Variants in ZNF16 observed in about 807,000 individuals in gnomAD.
The protein encoded by ZNF16 is zinc finger protein 16, also known as zinc finger protein KOX9.
Under a neutral mutation model 9.0 loss-of-function variants are expected in ZNF16, and 7 were observed. The ratio of observed to expected loss-of-function variants is 0.78; its 90% CI spans 0.44 to 1.47. ZNF16 has a LOEUF of 1.47. ZNF16 is among the 40% of genes most tolerant of loss of function. ZNF16 has a pLI of 0.01. For synonymous variants in ZNF16, 312 were observed against 301.5 expected (o/e 1.03, Z -0.36); for missense variants, 830 against 854.2 (o/e 0.97, Z 0.35).
chr8:144,935,689 A>G (rs568333368), intron 2 of ZNF16, among the ~76,000 whole-genome samples: 1 of 152,340 alleles, frequency 6.6e-6, no homozygotes, highest in South Asian at 2.1e-4. Context: ...ATGATTAAAG[A>G]CTTTTACGAT....
chr8:144,944,447 G>A (rs12677039), intron 2 of ZNF16: 32,114 of 146,562 alleles, frequency 0.22, 3,760 homozygotes, highest in East Asian at 0.34. Flanking sequence ...GTGAGCCACC[G>A]TGGTGCTGGG....
At chr8:144,935,041 A>G (rs976811544) in intron 2 of ZNF16, among the ~76,000 whole-genome samples, 2 of 152,152 alleles carry the variant, frequency 1.3e-5, no homozygotes, top group Non-Finnish European at 2.9e-5. Flanking sequence ...TTTTATTGAG[A>G]CAGGAACTAA....
intron 1 of ZNF16, chr8:144,948,089 T>C (rs1834007713): frequency 1.3e-5 from 2 of 152,466 alleles, no homozygotes; most frequent in African/African-American, 4.8e-5. Context: ...TGATGGTACG[T>C]GTCACCCATA....
At chr8:144,942,398 C>G (rs1428369347) in intron 2 of ZNF16, among the ~76,000 whole-genome samples, 2 of 152,028 alleles carry the variant, frequency 1.3e-5, no homozygotes, top group African/African-American at 2.4e-5. Flanking sequence ...AGCAATTCTC[C>G]TGCTTCAGCC....
chr8:144,935,143 GA>G (rs1206171135), intron 2 of ZNF16, among the ~76,000 whole-genome samples: 1 of 151,892 alleles, frequency 6.6e-6, no homozygotes, highest in East Asian at 1.9e-4. Context: ...GAATTGTGGG[GA>G]AAAAATGAGT....
In ZNF16 at chr8:144,932,041, T is replaced by A. The variant is rs1833562543; in HGVS notation, c.746A>T (p.Asn249Ile). The change falls in exon 3 of 3, where the codon AAC becomes ATC. Residue 249 changes from asparagine (N) to isoleucine (I), a missense_variant. Asn to Ile is a moderately radical substitution (Grantham distance 149). Coordinates refer to ENST00000394909, the MANE Select transcript of ZNF16 (RefSeq NM_006958.3). This position sits in a 1 kb window ranked among gnomAD's most constrained non-coding sequence, Gnocchi z 5.0. ...CDDCGKTFSQ[N>I]SVLKNRHRSH... The stretch of plus-strand genomic sequence containing the variant: ...TCGATGACGGTTTTTAAGAACTGAG[T>A]TCTGGCTGAAGGTTTTCCCACAATC... The A allele has an allele frequency of 6.2e-7, 1 of 1,614,050 alleles. No individual in the cohort carries two copies. The highest frequency in any genetic ancestry group is 2.2e-5 in the East Asian group (1 of 44,850).
In ZNF16 at chr8:144,931,022, T is replaced by C. The variant is rs1444552017; in HGVS notation, c.1765A>G (p.Ile589Val). Reference sequence around the variant, plus strand: ...CCAGTATGAACTTTCTGGTGGTGAATGAGATTTGAGCTTCGGTTGAAGGCT... The same window carrying C: ...CCAGTATGAACTTTCTGGTGGTGAACGAGATTTGAGCTTCGGTTGAAGGCT... ...GKAFNRSSNL[I>V]HHQKVHTGEK... The change falls in exon 3 of 3, where the codon ATT becomes GTT. Residue 589 changes from isoleucine (I) to valine (V), a missense_variant. Ile to Val is a conservative substitution (Grantham distance 29). Transcript: ENST00000394909. The C allele has an allele frequency of 6.2e-7, 1 of 1,613,948 alleles. No homozygotes were observed. The highest frequency in any genetic ancestry group is 8.5e-7 in the Non-Finnish European group (1 of 1,179,788).
chr8:144,944,095 G>C (rs1390067015), intron 2 of ZNF16: 1 of 146,588 alleles, frequency 6.8e-6, no homozygotes, highest in Non-Finnish European at 1.5e-5. Context: ...TCTTGAGACG[G>C]AGTCTCACTC....
chr8:144,938,260 T>A (rs900395479), intron 2 of ZNF16, among the ~76,000 whole-genome samples: 1 of 152,226 alleles, frequency 6.6e-6, no homozygotes, highest in African/African-American at 2.4e-5. Flanking sequence ...TCTTTGTAAC[T>A]TCATATGAAT....
At position 144,937,148 on chromosome 8, in the gene ZNF16, T is replaced by TC. The variant is rs1293100625; in HGVS notation, c.197-4559_197-4558insG. 2.3e-5 allele frequency among the ~76,000 whole-genome samples: 3 copies of TC among 130,218 alleles called. 1 individual carries two copies. Among genetic ancestry groups the TC allele is most frequent in the Non-Finnish European group, 3.1e-5 (2 of 63,908 alleles). The allele number at this position is 130,218 out of a possible 152,430, so 85.4% of individuals were successfully genotyped here. The stretch of plus-strand genomic sequence containing the variant: ...TTTTCACTTTCTTTCTCTCTCTTTT[T>TC]TTTTTTTTTTTTTTTTGAGACAGAG... On this transcript the variant is annotated intron_variant, in intron 2 of 2. Transcript: ENST00000394909.
At chr8:144,937,099 T>G (rs995684994) in intron 2 of ZNF16, among the ~76,000 whole-genome samples, 1 of 151,778 alleles carries the variant, frequency 6.6e-6, no homozygotes, top group South Asian at 2.1e-4. Flanking sequence ...ATTTGCAGAT[T>G]TCCCCCCATT....
chr8:144,937,137 C>CTTTTTTTTTTTTTTTTTT (rs1554659152), intron 2 of ZNF16, among the ~76,000 whole-genome samples: 1 of 112,992 alleles, frequency 8.9e-6, no homozygotes. Flanking sequence ...CACTTTCTTT[C>CTTTTTTTTTTTTTTTTTT]TCTCTCTTTT....
chr8:144,950,040 G>A (rs1834062219), intron 1 of ZNF16, among the ~76,000 whole-genome samples: 2 of 152,228 alleles, frequency 1.3e-5, no homozygotes, highest in Non-Finnish European at 2.9e-5. Flanking sequence ...GCCCTATGGT[G>A]AGAGGTGAGA....
chr8:144,944,652 T>C (rs1265728983), intron 2 of ZNF16: 3 of 152,250 alleles, frequency 2.0e-5, no homozygotes, highest in African/African-American at 4.8e-5. Flanking sequence ...GAATGGGACA[T>C]ATTTTTTTGC....
rs1833561497 is a variant in ZNF16, at chr8:144,932,007, CAT to C, written c.778_779del (p.Met260GlufsTer2). ...SVLKNRHRSH[M>X]SEKAYQCSEC... Reference sequence around the variant, plus strand: ...CGCTGCACTGGTAAGCTTTCTCACTCATATGAGATCGATGACGGTTTTTAAGA... The same window carrying C: ...CGCTGCACTGGTAAGCTTTCTCACTCATGAGATCGATGACGGTTTTTAAGA... On this transcript the variant is annotated frameshift_variant, in exon 3 of 3. Transcript: ENST00000394909. LOFTEE classifies it low-confidence loss of function (END_TRUNC). The surrounding 1 kb of genome is among the most constrained non-coding windows in gnomAD (Gnocchi z 5.0). The C allele has an allele frequency of 1.2e-6, 2 of 1,614,018 alleles. No individual in the cohort carries two copies. The highest frequency in any genetic ancestry group is 1.7e-6 in the Non-Finnish European group (2 of 1,180,024).
chr8:144,944,458 T>A (rs987167620), intron 2 of ZNF16: 1 of 148,876 alleles, frequency 6.7e-6, no homozygotes, highest in African/African-American at 2.5e-5. Flanking sequence ...TGGTGCTGGG[T>A]TACAGGTGTG....
Position 144,931,434 on chromosome 8 carries a change from A to T in ZNF16, c.1353T>A (p.His451Gln), listed in dbSNP as rs1833536424. ...AFSQSSSLIQHRRIHTGEKPH... is the reference protein window; with the variant it reads ...AFSQSSSLIQQRRIHTGEKPH... ...GCTTTTCTCCAGTGTGAATTCTCCG[A>T]TGCTGAATAAGGCTGGAGCTCTGAC... Residue 451 changes from histidine to glutamine, a missense_variant, in exon 3 of 3, where the codon CAT (histidine) becomes CAA (glutamine). Coordinates refer to ENST00000394909, the MANE Select transcript of ZNF16 (RefSeq NM_006958.3). 5.0e-6 allele frequency: 8 copies of T among 1,614,014 alleles called. No individual in the cohort carries two copies. The highest frequency in any genetic ancestry group is 1.7e-5 in the Admixed American group (1 of 60,014).
At position 144,938,107 on chromosome 8, in the gene ZNF16, C is replaced by A. The variant is rs540124185; in HGVS notation, c.197-5517G>T. 3.3e-4 allele frequency among the ~76,000 whole-genome samples: 50 copies of A among 152,362 alleles called. 1 individual carries two copies. In the South Asian group the frequency reaches 0.01, roughly 32 times the overall value. On this transcript the variant is annotated intron_variant, in intron 2 of 2. Coordinates refer to ENST00000394909, the MANE Select transcript of ZNF16 (RefSeq NM_006958.3). ...ACATATGTATGCGTTTATTTCTGGACTCTCAATCTGATTCCACTAGTCTGT... is the reference window on the plus strand; with the variant it reads ...ACATATGTATGCGTTTATTTCTGGAATCTCAATCTGATTCCACTAGTCTGT...
chr8:144,934,076 A>G (rs948906019), intron 2 of ZNF16, among the ~76,000 whole-genome samples: 3 of 152,190 alleles, frequency 2.0e-5, no homozygotes, highest in Admixed American at 2.0e-4. Context: ...AGAATCTGCC[A>G]TAACAGCATT....
Sources: gnomAD v4.1 joint callset for allele counts (sites outside exome capture counted in the v4.1 genomes callset) on GRCh38, gnomAD v4.1.1 for gene constraint, Gnocchi (gnomAD v3.1) non-coding constraint, MANE v1.5 for transcripts, NCBI Gene and HGNC (gene_info 2026-07-23, HGNC 2026-07-21) for gene names.